TMC2: variants seen among roughly 807,000 people sequenced by gnomAD.
TMC2 encodes the protein transmembrane channel-like protein 2.
In TMC2, 102 loss-of-function variants were observed where a neutral mutation model predicts 105.9. That is an observed-to-expected ratio of 0.96 (90% CI 0.82 to 1.14). TMC2 has a LOEUF of 1.14. Among genes scored for constraint, TMC2 ranks in the 50% most tolerant of loss-of-function variants. TMC2 has a pLI of 0.00. For synonymous variants in TMC2, 402 were observed against 422.8 expected, an observed-to-expected ratio of 0.95 and a Z score of 0.60; for missense variants, 1,093 against 1,134.3, an observed-to-expected ratio of 0.96 and a Z score of 0.52.
In TMC2 at chr20:2,641,422, C is replaced by A; in HGVS notation, c.*71C>A. ...TACCCCAGTTTCACACATACCAAAC[C>A]AAGGTTCTCTCCCCTCTTTCCTCTC... On this transcript the variant is annotated 3_prime_UTR_variant, in exon 20 of 20. Coordinates refer to ENST00000358864, the MANE Select transcript of TMC2 (RefSeq NM_080751.3). The A allele has an allele frequency of 1.1e-6, 1 of 927,606 alleles. No homozygotes were observed. The highest frequency in any genetic ancestry group is 1.5e-5 in the South Asian group (1 of 68,542). 57.5% of individuals were successfully genotyped at this position (927,606 alleles called of 1,614,324 possible).
chr20:2,596,817 G>A (rs766220742), intron 9 of TMC2, among the ~76,000 whole-genome samples: 9 of 151,820 alleles, frequency 5.9e-5, no homozygotes, highest in Non-Finnish European at 8.8e-5. Context: ...ATAGACTCCC[G>A]TATAGAGTTC....
chr20:2,585,482 G>T (rs2086225415), intron 7 of TMC2, among the ~76,000 whole-genome samples: 1 of 151,988 alleles, frequency 6.6e-6, no homozygotes, highest in Non-Finnish European at 1.5e-5. Context: ...TATTTCTGTG[G>T]GTCAGGAATC....
intron 2 of TMC2, among the ~76,000 whole-genome samples, chr20:2,556,292 G>A (rs2085984917): frequency 6.6e-6 from 1 of 152,020 alleles, no homozygotes; most frequent in African/African-American, 2.4e-5. Flanking sequence ...TGTTGGCCAG[G>A]CTGGTCTCGA....
At chr20:2,604,122 G>T (rs114396252) in intron 11 of TMC2, among the ~76,000 whole-genome samples, 2 of 152,314 alleles carry the variant, frequency 1.3e-5, no homozygotes, top group Non-Finnish European at 2.9e-5. Flanking sequence ...AGTGGGCATC[G>T]CTGTTTCTCT....
At chr20:2,631,466 T>C (rs1222372471) in intron 17 of TMC2, among the ~76,000 whole-genome samples, 1 of 152,276 alleles carries the variant, frequency 6.6e-6, no homozygotes, top group Non-Finnish European at 1.5e-5. Flanking sequence ...TAGTGATTAC[T>C]TCTCTTGGTT....
At chr20:2,612,140 T>C (rs1424364372) in intron 12 of TMC2, 51 bp from the exon 13 acceptor site, 2 of 1,517,944 alleles carry the variant, frequency 1.3e-6, no homozygotes, top group Non-Finnish European at 1.8e-6. Context: ...ATGGAAACAG[T>C]TGGACCATCC....
rs904590727 is a variant in TMC2 at position 2,624,302 on chromosome 20, G to C, written c.2212G>C (p.Glu738Gln). ...AAACAGAATGTACGATGTCCTCCAA[G>C]AGACCATTGAAAACGATTTCCCAAC... The part of the protein sequence containing the change: ...GKNRMYDVLQ[E>Q]TIENDFPTFL... The change falls in exon 17 of 20, where the codon GAG (glutamate) becomes CAG (glutamine). Residue 738 changes from glutamate (E) to glutamine (Q), a missense_variant. Transcript: ENST00000358864. The C allele has an allele frequency of 6.2e-7, 1 of 1,614,166 alleles. No homozygotes were observed. Among genetic ancestry groups the C allele is most frequent in the Non-Finnish European group, 8.5e-7 (1 of 1,180,020 alleles).
intron 2 of TMC2, among the ~76,000 whole-genome samples, chr20:2,551,904 G>A (rs923632487): frequency 1.3e-5 from 2 of 152,168 alleles, no homozygotes; most frequent in Non-Finnish European, 2.9e-5. Flanking sequence ...ATGAAGTAGA[G>A]CTTTAGAGTC....
intron 9 of TMC2, among the ~76,000 whole-genome samples, 170 bp from the exon 10 acceptor site, chr20:2,596,981 G>T (rs577675692): frequency 2.4e-4 from 36 of 152,234 alleles, no homozygotes; most frequent in African/African-American, 8.2e-4. Flanking sequence ...GGGTGTCCTG[G>T]CTATCCTCAA....
At chr20:2,624,201 G>T (rs2086547599) in intron 16 of TMC2, 70 bp from the exon 17 acceptor site, 2 of 1,533,982 alleles carry the variant, frequency 1.3e-6, no homozygotes, top group Admixed American at 3.6e-5. Flanking sequence ...GGGTAGGGGG[G>T]CCATGGACAC....
rs2086030233 is a variant in TMC2, at chr20:2,562,022, G to A, written c.554+12G>A. 5 of 1,612,176 alleles carry A rather than the reference G, an allele frequency of 3.1e-6. No individual in the cohort carries two copies. Among genetic ancestry groups the A allele is most frequent in the African/African-American group, 1.3e-5 (1 of 74,954 alleles). ...CTGACAGAGCTCAGGTGAGCAGGCT[G>A]CGGGTCAGCCAGGGCCTTCCGATGT... On this transcript the variant is annotated intron_variant, in intron 4 of 19. Transcript: ENST00000358864.
At chr20:2,567,188 T>C (rs901309175) in intron 4 of TMC2, among the ~76,000 whole-genome samples, 2 of 152,232 alleles carry the variant, frequency 1.3e-5, no homozygotes, top group Non-Finnish European at 2.9e-5. Context: ...ACTCTCACCA[T>C]GACTTGGAAG....
chr20:2,537,015 C>T (rs1049194570), intron 1 of TMC2, among the ~76,000 whole-genome samples: 1 of 152,206 alleles, frequency 6.6e-6, no homozygotes, highest in African/African-American at 2.4e-5. Flanking sequence ...TCCGAGCAAG[C>T]CCCTCAGCAG....
rs369652081 is a variant in TMC2, at chr20:2,597,219, T to C, written c.1145T>C (p.Met382Thr). 8.7e-6 allele frequency: 14 copies of C among 1,614,032 alleles called. No individual in the cohort carries two copies. In the African/African-American group the frequency reaches 1.3e-4, roughly 15 times the overall value. Residue 382 changes from methionine to threonine, a missense_variant, in exon 10 of 20, where the codon ATG (methionine) becomes ACG (threonine). Met to Thr is a moderately conservative substitution (Grantham distance 81, BLOSUM62 -1). Transcript: ENST00000358864. ...ESDNFTFSFKMFTSWDYLIGN... is the reference protein window; with the variant it reads ...ESDNFTFSFKTFTSWDYLIGN... ...GACAACTTCACATTCAGCTTCAAGA[T>C]GTTCACCAGCTGGGACTACCTGATC...
chr20:2,628,799 C>A (rs1212323290), intron 17 of TMC2, among the ~76,000 whole-genome samples: 1 of 152,180 alleles, frequency 6.6e-6, no homozygotes. Context: ...TTCTTTATAG[C>A]AGTATGAAAA....
Position 2,594,937 on chromosome 20 carries a change from T to TC in TMC2, c.1047dup (p.Gly350ArgfsTer25). 6.2e-7 allele frequency: 1 copy of TC among 1,614,076 alleles called. No individual in the cohort carries two copies. Among genetic ancestry groups the TC allele is most frequent in the Non-Finnish European group, 8.5e-7 (1 of 1,180,002 alleles). ...TACTTTATGGTGGGGGTCAGCGTGT[T>TC]CGGCTACAGCCTGATTATTGTCATT... On this transcript the variant is annotated frameshift_variant, in exon 9 of 20. Coordinates refer to ENST00000358864, the MANE Select transcript of TMC2 (RefSeq NM_080751.3). LOFTEE classifies it high-confidence loss of function.
intron 19 of TMC2, among the ~76,000 whole-genome samples, chr20:2,640,121 A>G (rs563586005): frequency 1.3e-5 from 2 of 152,200 alleles, no homozygotes; most frequent in African/African-American, 4.8e-5. Flanking sequence ...GGCTGTTATT[A>G]CAGGCACCTG....
At chr20:2,639,475 G>A (rs777689207) in intron 19 of TMC2, among the ~76,000 whole-genome samples, 9 of 152,178 alleles carry the variant, frequency 5.9e-5, no homozygotes, top group Non-Finnish European at 1.5e-5. Context: ...TAAGTGTTGT[G>A]CAGGTTTATA....
At chr20:2,541,404 G>A (rs369604063) in intron 2 of TMC2, among the ~76,000 whole-genome samples, 1 of 152,318 alleles carries the variant, frequency 6.6e-6, no homozygotes, top group Admixed American at 6.5e-5. Context: ...ATTTTGGGAG[G>A]CCGAGGCAGG....
Sources: gnomAD v4.1 joint callset for allele counts (sites outside exome capture counted in the v4.1 genomes callset) on GRCh38, gnomAD v4.1.1 for gene constraint, MANE v1.5 for transcripts, NCBI Gene and HGNC (gene_info 2026-07-23, HGNC 2026-07-21) for gene names.